The following PIEZO1 variants were observed in gnomAD, a reference collection of about 807,000 sequenced individuals.
PIEZO1 encodes the protein piezo type mechanosensitive ion channel component 1 (Er blood group), also known as piezo-type mechanosensitive ion channel component 1.
A neutral mutation model predicts 297.2 loss-of-function variants in PIEZO1; 296 were observed. The observed-to-expected ratio is 1.00, with a 90% confidence interval of 0.91 to 1.10. PIEZO1 has a LOEUF of 1.10. Ranked by LOEUF, PIEZO1 falls within the 50% of genes least tolerant of loss-of-function variation. The probability of loss-of-function intolerance (pLI) is 0.00; values close to 1 mark genes in which losing one functional copy is unlikely to be tolerated. For synonymous variants in PIEZO1, 2,427 were observed against 1,507.5 expected (o/e 1.61, Z -14.13); for missense variants, 5,018 against 3,455.5 (o/e 1.45, Z -11.34).
At chr16:88,776,600 C>T (rs1907677188) in intron 1 of PIEZO1, among the ~76,000 whole-genome samples, 1 of 152,070 alleles carries the variant, frequency 6.6e-6, no homozygotes, top group Non-Finnish European at 1.5e-5. Flanking sequence ...GTGCTCAGGG[C>T]ATCTGGGGAG....
At chr16:88,719,776 C>T (rs1244758079) in intron 43 of PIEZO1, 26 bp downstream of exon 43, 2 of 1,550,202 alleles carry the variant, frequency 1.3e-6, no homozygotes, top group Admixed American at 2.0e-5. Flanking sequence ...GGGCCGTGAC[C>T]CCCACCCCGG....
chr16:88,750,948 C>T (rs1232082290), intron 1 of PIEZO1, among the ~76,000 whole-genome samples: 2 of 152,082 alleles, frequency 1.3e-5, no homozygotes, highest in Admixed American at 6.5e-5. Context: ...CGTGTCCAAG[C>T]GAGACCCCTG....
intron 30 of PIEZO1, 112 bp from the exon 31 acceptor site, chr16:88,724,083 C>A: frequency 3.0e-6 from 2 of 676,404 alleles, no homozygotes; most frequent in Non-Finnish European, 5.3e-6. Context: ...TGCGGAGTAG[C>A]CGGGAGCAGT....
intron 2 of PIEZO1, among the ~76,000 whole-genome samples, chr16:88,748,996 G>T (rs919106165): frequency 6.7e-6 from 1 of 150,228 alleles, no homozygotes; most frequent in African/African-American, 2.5e-5. Flanking sequence ...CCAGCACTTT[G>T]GGAGGCCGAG....
In PIEZO1 at chr16:88,716,603, G is replaced by C. The variant is rs760744612; in HGVS notation, c.6882C>G (p.Asn2294Lys). 3.2e-6 allele frequency: 5 copies of C among 1,549,696 alleles called. No individual in the cohort carries two copies. In the African/African-American group the frequency reaches 5.5e-5, roughly 17 times the overall value. The change falls in exon 47 of 51, where the codon AAC becomes AAG. Residue 2294 changes from asparagine (N) to lysine (K), a missense_variant. Coordinates refer to ENST00000301015, the MANE Select transcript of PIEZO1 (RefSeq NM_001142864.4). Reference protein sequence around the residue: ...SRAQMKRELYNGTADITLRFT... With the variant: ...SRAQMKRELYKGTADITLRFT... ...AGCGCAGGGTGATGTCGGCCGTGCC[G>C]TTGTAGAGCTCCCGCTTCATCTGGG... is the stretch of plus-strand genomic sequence containing the variant.
intron 44 of PIEZO1, chr16:88,717,760 C>T (rs1002694604): frequency 7.6e-5 from 34 of 450,180 alleles, no homozygotes; most frequent in Non-Finnish European, 1.1e-4. Context: ...TTCTAGCAAC[C>T]AGAGAATACA....
rs557372651 is a variant in PIEZO1 at position 88,779,751 on chromosome 16, G to A, written c.64+5150C>T. ...CCTCTGTGCTCCTGGGAGCTGCCCT[G>A]TGTGCTCCGGGACCAGGCGGTGAGT... On this transcript the variant is annotated intron_variant, in intron 1 of 50. Coordinates refer to ENST00000301015, the MANE Select transcript of PIEZO1 (RefSeq NM_001142864.4). 2.0e-5 allele frequency among the ~76,000 whole-genome samples: 3 copies of A among 152,352 alleles called. No homozygotes were observed. The South Asian group carries it at 6.2e-4, about 32-fold the overall frequency.
In PIEZO1 at chr16:88,741,940, G is replaced by C. The variant is rs138433176; in HGVS notation, c.326+113C>G. Reference sequence around the variant, plus strand: ...TGGATGGGTCTCCAGGTGTGGGTGGGAGTGTGGATGAGTCTCCAGGTCCCC... The same window carrying C: ...TGGATGGGTCTCCAGGTGTGGGTGGCAGTGTGGATGAGTCTCCAGGTCCCC... On this transcript the variant is annotated intron_variant, in intron 4 of 50. Transcript: ENST00000301015. The C allele has an allele frequency of 1.3e-4, 148 of 1,172,460 alleles. No homozygotes were observed. In the Middle Eastern group the frequency reaches 1.9e-3, roughly 15 times the overall value. The allele number at this position is 1,172,460 out of a possible 1,614,324, so 72.6% of individuals were successfully genotyped here.
At position 88,733,471 on chromosome 16, in the gene PIEZO1, C is replaced by G. The variant is rs1027663509; in HGVS notation, c.2488-17G>C. 1.3e-6 allele frequency: 2 copies of G among 1,536,886 alleles called. No homozygotes were observed. Among genetic ancestry groups the G allele is most frequent in the East Asian group, 2.5e-5 (1 of 40,308 alleles). On this transcript the variant is annotated splice_polypyrimidine_tract_variant and intron_variant, in intron 18 of 50. Transcript: ENST00000301015. ...CACCGACACCTGAGGGCAGTGGGCA[C>G]GTGGGGCTGGGCTTGGGGAGGGCAG... is the stretch of plus-strand genomic sequence containing the variant.
chr16:88,718,168 T>G (rs550144394), intron 44 of PIEZO1: 1 of 177,416 alleles, frequency 5.6e-6, no homozygotes, highest in Non-Finnish European at 1.2e-5. Flanking sequence ...TCAGCGTCGG[T>G]CAACAGGGAA....
intron 22 of PIEZO1, among the ~76,000 whole-genome samples, chr16:88,730,891 A>G (rs1286056868): frequency 6.6e-6 from 1 of 152,212 alleles, no homozygotes; most frequent in Non-Finnish European, 1.5e-5. Flanking sequence ...ACACACAGAG[A>G]CAGCAGAGAG....
At chr16:88,768,564 G>A (rs530313656) in intron 1 of PIEZO1, among the ~76,000 whole-genome samples, 2 of 152,362 alleles carry the variant, frequency 1.3e-5, no homozygotes, top group East Asian at 1.9e-4. Flanking sequence ...ACTCCCGGGG[G>A]TCCCGGGTGG....
intron 1 of PIEZO1, among the ~76,000 whole-genome samples, chr16:88,761,532 G>A (rs1361151271): frequency 6.6e-6 from 1 of 152,186 alleles, no homozygotes; most frequent in Non-Finnish European, 1.5e-5. Flanking sequence ...GTGCTTGCGG[G>A]GTGGGGGCGG....
intron 1 of PIEZO1, among the ~76,000 whole-genome samples, chr16:88,765,725 A>C (rs113697459): frequency 0.081 from 11,799 of 144,828 alleles, 663 homozygotes; most frequent in African/African-American, 0.16. Flanking sequence ...CCCAGGCTGG[A>C]GTGCAGTGGC....
intron 5 of PIEZO1, chr16:88,741,224 C>T (rs1346537544): frequency 1.1e-5 from 5 of 438,018 alleles, no homozygotes; most frequent in African/African-American, 8.1e-5. Flanking sequence ...TGAAGAGTTC[C>T]TAAGGGCACA....
rs760875854 is a variant in PIEZO1 at position 88,720,400 on chromosome 16, G to A, written c.5934C>T (p.Gly1978=). 5.8e-6 allele frequency: 9 copies of A among 1,550,266 alleles called. No individual in the cohort carries two copies. The highest frequency in any genetic ancestry group is 7.8e-6 in the Non-Finnish European group (9 of 1,146,906). Residue 1978 remains glycine (G), a synonymous_variant, in exon 41 of 51, where the codon GGC becomes GGT. Transcript: ENST00000301015. ...CCTGGCTCACCCCAAAGGCCCAGAAGCCAAAAATGATGATGATGAAGTCGA... is the reference window on the plus strand; with the variant it reads ...CCTGGCTCACCCCAAAGGCCCAGAAACCAAAAATGATGATGATGAAGTCGA... ...DVVDFIIIIF[G]FWAFGKHSAA... is the part of the protein sequence containing the mutation.
Position 88,727,154 on chromosome 16 carries a change from G to C in PIEZO1, c.3340C>G (p.Gln1114Glu), listed in dbSNP as rs373706590. Residue 1114 changes from glutamine to glutamate, a missense_variant, in exon 24 of 51, where the codon CAG (glutamine) becomes GAG (glutamate). Physicochemically the swap from Gln to Glu is conservative, Grantham distance 29 (BLOSUM62 2). Transcript: ENST00000301015. ...LLLLCASQQW[Q>E]VFSAERTEEW... ...TCTGTGCGCTCAGCTGAGAACACCT[G>C]CCACTGCTGGGAGGCGCACAGCAGC... The C allele has an allele frequency of 1.2e-4, 186 of 1,548,920 alleles. 1 individual carries two copies. In the East Asian group the frequency reaches 3.9e-3, roughly 32 times the overall value.
intron 22 of PIEZO1, chr16:88,731,324 C>T: frequency 4.4e-6 from 1 of 228,338 alleles, no homozygotes; most frequent in Admixed American, 5.4e-5. Flanking sequence ...GGGCTGTGGG[C>T]TCAGACACCC....
intron 1 of PIEZO1, among the ~76,000 whole-genome samples, chr16:88,775,726 C>CAAAAAAAA (rs3052234): frequency 2.0e-5 from 2 of 98,732 alleles, no homozygotes; most frequent in Non-Finnish European, 3.8e-5. Flanking sequence ...AAGACGCTGT[C>CAAAAAAAA]AAAAAAAAAA....
Sources: gnomAD v4.1 joint callset for allele counts (sites outside exome capture counted in the v4.1 genomes callset) on GRCh38, gnomAD v4.1.1 for gene constraint, MANE v1.5 for transcripts, NCBI Gene and HGNC (gene_info 2026-07-23, HGNC 2026-07-21) for gene names.